FAM180A: variants seen among roughly 807,000 people sequenced by gnomAD.
FAM180A encodes the protein protein FAM180A.
In FAM180A, 14 loss-of-function variants were observed where a neutral mutation model predicts 15.3. That is an observed-to-expected ratio of 0.92 (90% CI 0.61 to 1.43). The LOEUF is 1.43. Among genes scored for constraint, FAM180A ranks in the 40% most tolerant of loss-of-function variants. FAM180A has a pLI of 0.00. For missense variants in FAM180A, 200 were observed against 220.8 expected (o/e 0.91, Z 0.60); for synonymous variants, 90 against 96.8 (o/e 0.93, Z 0.41).
intron 1 of FAM180A, among the ~76,000 whole-genome samples, chr7:135,738,971 C>T (rs1328457260): frequency 6.6e-6 from 1 of 152,156 alleles, no homozygotes. Context: ...ATAATAGTGC[C>T]CTTGAGCCAT....
At chr7:135,744,522 G>A (rs935401920) in intron 1 of FAM180A, among the ~76,000 whole-genome samples, 4 of 152,112 alleles carry the variant, frequency 2.6e-5, no homozygotes, top group Non-Finnish European at 5.9e-5. Context: ...TATTCTGAGC[G>A]AGCCAGGGTC....
intron 2 of FAM180A, among the ~76,000 whole-genome samples, chr7:135,734,759 T>C (rs1489032424): frequency 6.6e-6 from 1 of 152,238 alleles, no homozygotes. Flanking sequence ...CTTTCTGCAT[T>C]AGCTTGGTTT....
intron 1 of FAM180A, among the ~76,000 whole-genome samples, chr7:135,739,031 T>C: frequency 6.6e-6 from 1 of 152,196 alleles, no homozygotes; most frequent in African/African-American, 2.4e-5. Flanking sequence ...GAAGGCAGGC[T>C]GGGCGCTGTG....
At chr7:135,746,089 C>T (rs1380561125) in intron 1 of FAM180A, among the ~76,000 whole-genome samples, 4 of 152,074 alleles carry the variant, frequency 2.6e-5, no homozygotes, top group South Asian at 2.1e-4. Context: ...GTTGACTCAG[C>T]GCTGACTTGA....
At position 135,733,628 on chromosome 7, in the gene FAM180A, T is replaced by G; in HGVS notation, c.*329+18A>C. On this transcript the variant is annotated intron_variant, in intron 3 of 3. Transcript: ENST00000338588. ...TCCTAAAGTGCTGGGATTACAGGCG[T>G]GAGCCTCTGTGCCCGGCCTGTTCTC... 9.6e-7 allele frequency: 1 copy of G among 1,037,764 alleles called. No individual in the cohort carries two copies. The highest frequency in any genetic ancestry group is 1.2e-6 in the Non-Finnish European group (1 of 864,306). 64.3% of individuals were successfully genotyped at this position (1,037,764 alleles called of 1,614,324 possible).
chr7:135,738,354 C>T (rs893922458), intron 1 of FAM180A, among the ~76,000 whole-genome samples: 4 of 152,128 alleles, frequency 2.6e-5, no homozygotes, highest in East Asian at 1.9e-4. Context: ...CCACCACGCT[C>T]GGCTAATTGT....
chr7:135,740,629 T>C (rs1796931775), intron 1 of FAM180A, among the ~76,000 whole-genome samples: 1 of 152,142 alleles, frequency 6.6e-6, no homozygotes, highest in Non-Finnish European at 1.5e-5. Context: ...CCTTCTACCA[T>C]AAAACAATTC....
chr7:135,734,381 C>A lies in FAM180A; in HGVS notation c.178-62G>T, dbSNP rs556410105. 1.9e-4 allele frequency: 271 copies of A among 1,464,046 alleles called. 5 individuals carry two copies. In the East Asian group the frequency reaches 6.2e-3, roughly 33 times the overall value. The allele number at this position is 1,464,046 out of a possible 1,614,324, so 90.7% of individuals were successfully genotyped here. The stretch of plus-strand genomic sequence containing the variant: ...AGGCATTGCTGAGGACACAGTTGTT[C>A]ATTATCACGCACCTTCCCTTAGGGA... On this transcript the variant is annotated intron_variant, in intron 2 of 3. Coordinates refer to ENST00000338588, the MANE Select transcript of FAM180A (RefSeq NM_205855.4).
intron 1 of FAM180A, among the ~76,000 whole-genome samples, chr7:135,744,224 T>C (rs1188199448): frequency 1.3e-5 from 2 of 152,156 alleles, no homozygotes; most frequent in East Asian, 3.8e-4. Context: ...TCTTCTTCTT[T>C]CCTCCCATCC....
chr7:135,733,735 G>T lies in FAM180A; in HGVS notation c.*240C>A. Reference sequence around the variant, plus strand: ...ATAGGCAAACCATTCTGCCCATGGAGGCGTCTTGAATGACCATTCCAGCCC... The same window carrying T: ...ATAGGCAAACCATTCTGCCCATGGATGCGTCTTGAATGACCATTCCAGCCC... On this transcript the variant is annotated 3_prime_UTR_variant, in exon 3 of 4. Coordinates refer to ENST00000338588, the MANE Select transcript of FAM180A (RefSeq NM_205855.4). The T allele has an allele frequency of 7.5e-7, 1 of 1,329,938 alleles. No individual in the cohort carries two copies. The highest frequency in any genetic ancestry group is 9.6e-7 in the Non-Finnish European group (1 of 1,044,978). 82.4% of individuals were successfully genotyped at this position (1,329,938 alleles called of 1,614,324 possible). A position where few individuals can be genotyped will look rare whatever the true frequency, so the allele number is the denominator to read the frequency against.
At chr7:135,741,854 G>C (rs1371592000) in intron 1 of FAM180A, among the ~76,000 whole-genome samples, 1 of 152,064 alleles carries the variant, frequency 6.6e-6, no homozygotes, top group Non-Finnish European at 1.5e-5. Context: ...AAGCAAATGG[G>C]AGAAAGCATT....
intron 1 of FAM180A, 57 bp from the exon 2 acceptor site, chr7:135,737,256 T>C: frequency 1.5e-6 from 2 of 1,343,090 alleles, no homozygotes; most frequent in Non-Finnish European, 2.0e-6. Context: ...ACCTTCTCCC[T>C]CTGATCCACC....
chr7:135,732,641 C>T (rs991665943), intron 3 of FAM180A, among the ~76,000 whole-genome samples: 16 of 149,290 alleles, frequency 1.1e-4, no homozygotes, highest in African/African-American at 2.7e-4. Context: ...TGCAGCGAGC[C>T]GAGATAGTGC....
rs932367851 is a variant in FAM180A, at chr7:135,733,661, A to T, written c.*314T>A. On this transcript the variant is annotated 3_prime_UTR_variant, in exon 3 of 4. Transcript: ENST00000338588. Reference sequence around the variant, plus strand: ...TGTGCCCGGCCTGTTCTCACTCTTGAGTGTGTGGCCACTGCTCTGGGTTGA... The same window carrying T: ...TGTGCCCGGCCTGTTCTCACTCTTGTGTGTGTGGCCACTGCTCTGGGTTGA... 9.0e-7 allele frequency: 1 copy of T among 1,112,234 alleles called. No homozygotes were observed. The highest frequency in any genetic ancestry group is 1.6e-5 in the African/African-American group (1 of 61,310). 68.9% of individuals were successfully genotyped at this position (1,112,234 alleles called of 1,614,324 possible). A position where few individuals can be genotyped will look rare whatever the true frequency, so the allele number is the denominator to read the frequency against.
intron 2 of FAM180A, among the ~76,000 whole-genome samples, chr7:135,735,904 T>C (rs1371936463): frequency 6.6e-6 from 1 of 152,032 alleles, no homozygotes; most frequent in Admixed American, 6.5e-5. Flanking sequence ...GGTTTCACCA[T>C]GTTGGCCAGG....
rs185571978 is a variant in FAM180A, at chr7:135,742,634, G to A, written c.77-5435C>T. ...CTAAAGGTCATGCCACATGGACTAA[G>A]TTAGTCCAGGAGCTGGATCCAGAGT... On this transcript the variant is annotated intron_variant, in intron 1 of 3. Coordinates refer to ENST00000338588, the MANE Select transcript of FAM180A (RefSeq NM_205855.4). Among the ~76,000 whole-genome samples the A allele has an allele frequency of 4.6e-5, 7 of 152,338 alleles. No homozygotes were observed. The East Asian group carries it at 1.3e-3, about 29-fold the overall frequency.
chr7:135,738,281 C>T (rs1796899239), intron 1 of FAM180A, among the ~76,000 whole-genome samples: 2 of 152,136 alleles, frequency 1.3e-5, no homozygotes, highest in South Asian at 4.1e-4. Flanking sequence ...AACCTCTGCC[C>T]ACTGTGGGTT....
intron 1 of FAM180A, among the ~76,000 whole-genome samples, chr7:135,737,981 T>C (rs913342405): frequency 1.3e-5 from 2 of 152,238 alleles, no homozygotes; most frequent in Admixed American, 1.3e-4. Flanking sequence ...TAGCGCGTTA[T>C]CAGTATGAAG....
At chr7:135,746,048 TG>T (rs768579746) in intron 1 of FAM180A, among the ~76,000 whole-genome samples, 4 of 152,164 alleles carry the variant, frequency 2.6e-5, no homozygotes, top group African/African-American at 4.8e-5. Flanking sequence ...GGAAGACATT[TG>T]ATGATGGTTG....
Sources: allele counts gnomAD v4.1 joint callset (sites outside exome capture counted in the v4.1 genomes callset), GRCh38; gene constraint gnomAD v4.1.1; transcripts MANE v1.5; gene names NCBI Gene and HGNC (gene_info 2026-07-23, HGNC 2026-07-21).